FAM107B: variants seen among roughly 807,000 people sequenced by gnomAD.
FAM107B encodes protein FAM107B.
Under a neutral mutation model 31.5 loss-of-function variants are expected in FAM107B, and 21 were observed. The observed-to-expected ratio is 0.67, with a 90% CI of 0.47 to 0.96. FAM107B has a LOEUF of 0.96. Among genes scored for constraint, FAM107B ranks in the 40% least tolerant of loss-of-function variants. The pLI is 0.00. For synonymous variants in FAM107B, 157 were observed against 141.5 expected (o/e 1.11, Z -0.78); for missense variants, 452 against 377.1 (o/e 1.20, Z -1.64).
chr10:14,572,656 C>A (rs1588622518), intron 2 of FAM107B, among the ~76,000 whole-genome samples: 1 of 148,116 alleles, frequency 6.8e-6, no homozygotes, highest in Non-Finnish European at 1.5e-5. Context: ...GGCTGTAGTG[C>A]ACTATGATCA....
intron 2 of FAM107B, among the ~76,000 whole-genome samples, chr10:14,659,641 G>T (rs75060511): frequency 1.8e-4 from 28 of 152,284 alleles, no homozygotes; most frequent in African/African-American, 6.5e-4. Flanking sequence ...AAAATCAGAG[G>T]GGTGTGTGAC....
intron 2 of FAM107B, among the ~76,000 whole-genome samples, chr10:14,586,028 C>T (rs530190323): frequency 2.8e-4 from 42 of 152,292 alleles, no homozygotes; most frequent in African/African-American, 9.9e-4. Context: ...TGCAGGGGTG[C>T]TCCCAGCCAG....
intron 1 of FAM107B, among the ~76,000 whole-genome samples, chr10:14,690,495 C>T (rs11259276): frequency 0.42 from 64,414 of 151,710 alleles, 14,004 homozygotes; most frequent in African/African-American, 0.51. Flanking sequence ...GCTCTGTCGC[C>T]CAGGCTGGAG....
intron 1 of FAM107B, among the ~76,000 whole-genome samples, chr10:14,759,710 C>CT (rs991068879): frequency 1.1e-4 from 17 of 150,996 alleles, no homozygotes; most frequent in African/African-American, 2.7e-4. Context: ...ATAGAGCCTT[C>CT]TTTTTTTTTC....
intron 3 of FAM107B, chr10:14,522,260 T>A: frequency 3.8e-6 from 2 of 522,774 alleles, no homozygotes. Context: ...ATTGGCCACG[T>A]GCCATGTGCA....
chr10:14,591,855 GTTTAAAAGAAACCCAGC>G, intron 2 of FAM107B, among the ~76,000 whole-genome samples: 1 of 152,018 alleles, frequency 6.6e-6, no homozygotes, highest in Admixed American at 6.6e-5. Flanking sequence ...AGTGGGATGA[GTTTAAAAGAAACCCAGC>G]ACCCAAATCC....
At chr10:14,522,912 C>T (rs1158235548) in intron 3 of FAM107B, among the ~76,000 whole-genome samples, 1 of 152,130 alleles carries the variant, frequency 6.6e-6, no homozygotes, top group Non-Finnish European at 1.5e-5. Context: ...TCCCGTGCTC[C>T]TCCACCGAAA....
intron 2 of FAM107B, among the ~76,000 whole-genome samples, chr10:14,559,154 G>C (rs1274029758): frequency 6.6e-6 from 1 of 151,366 alleles, no homozygotes; most frequent in African/African-American, 2.4e-5. Context: ...TCCAGCACAG[G>C]GAGCAGAGAA....
At chr10:14,647,108 T>C (rs1853776824) in intron 2 of FAM107B, among the ~76,000 whole-genome samples, 1 of 152,162 alleles carries the variant, frequency 6.6e-6, no homozygotes, top group African/African-American at 2.4e-5. Flanking sequence ...TTTCTCCTCT[T>C]TTAAATGGAG....
intron 3 of FAM107B, among the ~76,000 whole-genome samples, chr10:14,523,436 T>C (rs1481636056): frequency 6.6e-6 from 1 of 152,252 alleles, no homozygotes; most frequent in African/African-American, 2.4e-5. Context: ...GGTGGAACAG[T>C]AATTCAGGCT....
At position 14,630,903 on chromosome 10, in the gene FAM107B, C is replaced by T. The variant is rs113306090; in HGVS notation, c.469+36731G>A. On this transcript the variant is annotated intron_variant, in intron 2 of 4. Transcript: ENST00000181796. ...TTTAAAATAAAATAAAGTAGAACATCAGTAAAGGACCTTCAAATGCTATTG... is the reference window on the plus strand; with the variant it reads ...TTTAAAATAAAATAAAGTAGAACATTAGTAAAGGACCTTCAAATGCTATTG... Among the ~76,000 whole-genome samples, 37 of 151,940 alleles carry T rather than the reference C, an allele frequency of 2.4e-4. 1 individual carries two copies. Among genetic ancestry groups the T allele is most frequent in the African/African-American group, 8.4e-4 (35 of 41,444 alleles).
chr10:14,608,775 T>C (rs1852655775), intron 2 of FAM107B, among the ~76,000 whole-genome samples: 1 of 152,158 alleles, frequency 6.6e-6, no homozygotes, highest in Admixed American at 6.5e-5. Context: ...AATCCAAGAT[T>C]TGGAGAAAGA....
intron 1 of FAM107B, among the ~76,000 whole-genome samples, chr10:14,671,646 A>G (rs1854546072): frequency 6.6e-6 from 1 of 152,084 alleles, no homozygotes; most frequent in South Asian, 2.1e-4. Flanking sequence ...TGTTCTTATT[A>G]TCCACTGGCC....
chr10:14,720,832 TA>T (rs1161396866), intron 1 of FAM107B, among the ~76,000 whole-genome samples: 12 of 152,216 alleles, frequency 7.9e-5, no homozygotes, highest in Admixed American at 1.3e-4. Context: ...CAAAGGAACA[TA>T]TTTTTTTTTA....
intron 1 of FAM107B, among the ~76,000 whole-genome samples, chr10:14,700,208 C>G (rs1855362008): frequency 6.6e-6 from 1 of 152,134 alleles, no homozygotes; most frequent in Non-Finnish European, 1.5e-5. Context: ...GCTAGGATTA[C>G]AGGTGTGAGC....
intron 2 of FAM107B, among the ~76,000 whole-genome samples, chr10:14,619,382 C>A (rs535228175): frequency 6.6e-6 from 1 of 152,176 alleles, no homozygotes; most frequent in Non-Finnish European, 1.5e-5. Flanking sequence ...TTCATTTTAG[C>A]CATTCTAATA....
intron 1 of FAM107B, among the ~76,000 whole-genome samples, chr10:14,702,450 G>A (rs1026609647): frequency 3.9e-5 from 6 of 152,214 alleles, no homozygotes; most frequent in Middle Eastern, 3.4e-3. Flanking sequence ...GAGTTCAAGC[G>A]ATTCTCCCGC....
intron 2 of FAM107B, among the ~76,000 whole-genome samples, chr10:14,575,211 G>GTTT (rs56368844): frequency 2.7e-5 from 4 of 149,158 alleles, no homozygotes; most frequent in East Asian, 2.0e-4. Flanking sequence ...TTGTTTTTTT[G>GTTT]TTTTTTTTTT....
Position 14,774,226 on chromosome 10 carries a change from A to G in FAM107B, c.411+27T>C, listed in dbSNP as rs1387470690. 17 of 1,580,024 alleles carry G rather than the reference A, an allele frequency of 1.1e-5. No individual in the cohort carries two copies. In the African/African-American group the frequency reaches 2.0e-4, roughly 19 times the overall value. On this transcript the variant is annotated intron_variant, in intron 1 of 4. Coordinates refer to ENST00000181796, the MANE Select transcript of FAM107B (RefSeq NM_031453.4). ...ACGCTCCTCCAGCTCCATCCCGTCT[A>G]TAATCGCAGAGCGAACACTCACTCA...
Sources: gnomAD v4.1 joint callset for allele counts (sites outside exome capture counted in the v4.1 genomes callset) on GRCh38, gnomAD v4.1.1 for gene constraint, MANE v1.5 for transcripts, NCBI Gene and HGNC (gene_info 2026-07-23, HGNC 2026-07-21) for gene names.